Variants in SIGLEC12 observed in about 807,000 individuals in gnomAD.
The protein encoded by SIGLEC12 is sialic acid-binding Ig-like lectin 12.
In SIGLEC12, 43 loss-of-function variants were observed where a neutral mutation model predicts 54.1. The ratio of observed to expected loss-of-function variants is 0.80; its 90% CI spans 0.62 to 1.03. The LOEUF (loss-of-function observed/expected upper bound fraction) is 1.03, where lower values mean the gene tolerates loss of function less well. Among genes scored for constraint, SIGLEC12 ranks in the 50% least tolerant of loss-of-function variants. The pLI is 0.00. For synonymous variants in SIGLEC12, 357 were observed against 307.6 expected (o/e 1.16, Z -1.68); for missense variants, 802 against 735.2 (o/e 1.09, Z -1.05).
rs748586279 is a variant in SIGLEC12 at position 51,501,432 on chromosome 19, T to G, written c.302A>C (p.Asn101Thr). The G allele has an allele frequency of 1.2e-6, 2 of 1,614,220 alleles. No individual in the cohort carries two copies. The highest frequency in any genetic ancestry group is 1.1e-5 in the South Asian group (1 of 91,092). Residue 101 changes from asparagine (N) to threonine (T), a missense_variant, in exon 1 of 8, where the codon AAC (asparagine) becomes ACC (threonine). Coordinates refer to ENST00000291707, the MANE Select transcript of SIGLEC12 (RefSeq NM_053003.4). ...DRFHLLGDPQ[N>T]KDCTLSIRDT... Reference sequence around the variant, plus strand: ...TCTGATGCTCAGGGTACAATCCTTGTTCTGTGGGTCCCCAAGGAGGTGGAA... The same window carrying G: ...TCTGATGCTCAGGGTACAATCCTTGGTCTGTGGGTCCCCAAGGAGGTGGAA...
At position 51,500,252 on chromosome 19, in the gene SIGLEC12, A is replaced by T; in HGVS notation, c.476T>A (p.Val159Glu). ...GACACACAGACCCTCCTGCACAGTC[A>T]CCGACTCTGGCACCTCCAGCCTGTA... is the stretch of plus-strand genomic sequence containing the variant. ...SRYRLEVPES[V>E]TVQEGLCVSV... is the part of the protein sequence containing the mutation. Residue 159 changes from valine to glutamate, a missense_variant, in exon 2 of 8, where the codon GTG becomes GAG. Val to Glu is a moderately radical substitution (Grantham distance 121, BLOSUM62 -2). Coordinates refer to ENST00000291707, the MANE Select transcript of SIGLEC12 (RefSeq NM_053003.4). 2.5e-6 allele frequency: 4 copies of T among 1,614,114 alleles called. No individual in the cohort carries two copies. Among genetic ancestry groups the T allele is most frequent in the Non-Finnish European group, 3.4e-6 (4 of 1,180,016 alleles).
At chr19:51,498,704 A>G (rs1990309302) in intron 4 of SIGLEC12, among the ~76,000 whole-genome samples, 1 of 152,192 alleles carries the variant, frequency 6.6e-6, no homozygotes, top group Non-Finnish European at 1.5e-5. Flanking sequence ...CAGTCTCACT[A>G]CTGACATCAA....
Position 51,500,317 on chromosome 19 carries a change from GT to G in SIGLEC12, c.428-18del. 6.2e-7 allele frequency: 1 copy of G among 1,614,098 alleles called. No homozygotes were observed. Among genetic ancestry groups the G allele is most frequent in the Non-Finnish European group, 8.5e-7 (1 of 1,180,014 alleles). ...CCTGGGACGCTGTGGAGAAACGAGGGTCAGCCCAGCCCCCACTGTCCCTCTC... is the reference window on the plus strand; with the variant it reads ...CCTGGGACGCTGTGGAGAAACGAGGGCAGCCCAGCCCCCACTGTCCCTCTC... On this transcript the variant is annotated intron_variant, in intron 1 of 7. Coordinates refer to ENST00000291707, the MANE Select transcript of SIGLEC12 (RefSeq NM_053003.4).
chr19:51,498,379 C>G, intron 4 of SIGLEC12, 92 bp from the exon 5 acceptor site: 5 of 1,092,996 alleles, frequency 4.6e-6, no homozygotes, highest in Non-Finnish European at 3.9e-6. Flanking sequence ...GGAACAGACA[C>G]TGATACATGC....
At chr19:51,497,099 TC>T in intron 6 of SIGLEC12, 123 bp from the exon 7 acceptor site, 2 of 1,490,362 alleles carry the variant, frequency 1.3e-6, no homozygotes, top group Non-Finnish European at 1.8e-6. Flanking sequence ...AGGGGAGTGG[TC>T]CCATTCCAGA....
chr19:51,494,698 A>G (rs140648433), intron 7 of SIGLEC12, among the ~76,000 whole-genome samples: 148 of 152,378 alleles, frequency 9.7e-4, no homozygotes, highest in African/African-American at 3.4e-3. Context: ...AATAACCAAG[A>G]GGTGGAAGCA....
chr19:51,491,397 C>T lies in SIGLEC12; in HGVS notation c.*244G>A, dbSNP rs558458219. The T allele has an allele frequency of 4.0e-6, 2 of 500,152 alleles. No individual in the cohort carries two copies. Among genetic ancestry groups the T allele is most frequent in the Non-Finnish European group, 7.2e-6 (2 of 279,290 alleles). The allele number at this position is 500,152 out of a possible 1,614,324, so 31.0% of individuals were successfully genotyped here. ...CACTATATTTGGAACCTAAAATAGT[C>T]GACCTCAGAGAAGTAGAGAAGAGAA... On this transcript the variant is annotated 3_prime_UTR_variant, in exon 8 of 8. Transcript: ENST00000291707.
At position 51,498,228 on chromosome 19, in the gene SIGLEC12, G is replaced by C; in HGVS notation, c.1195C>G (p.Leu399Val). The change falls in exon 5 of 8, where the codon CTT becomes GTT. Residue 399 changes from leucine to valine, a missense_variant. By Grantham distance (32) the Leu-to-Val change is conservative. Transcript: ENST00000291707. ...LSVLEGQSLH[L>V]VCAVDSNPPA... is the part of the protein sequence containing the mutation. ...GGATTGCTGTCGACAGCACAGACAA[G>C]GTGCAGGGACTGGCCCTCCAGGACT... is the stretch of plus-strand genomic sequence containing the variant. 1 of 1,614,118 alleles carries C rather than the reference G, an allele frequency of 6.2e-7. No homozygotes were observed.
intron 7 of SIGLEC12, 49 bp from the exon 8 acceptor site, chr19:51,491,878 T>C: frequency 6.9e-7 from 1 of 1,445,216 alleles, no homozygotes; most frequent in Middle Eastern, 2.2e-4. Flanking sequence ...GGGGCCAGCA[T>C]GCACCAGAGA....
At position 51,501,528 on chromosome 19, in the gene SIGLEC12, T is replaced by C; in HGVS notation, c.206A>G (p.His69Arg). Residue 69 changes from histidine to arginine, a missense_variant, in exon 1 of 8, where the codon CAT becomes CGT. Coordinates refer to ENST00000291707, the MANE Select transcript of SIGLEC12 (RefSeq NM_053003.4). The stretch of plus-strand genomic sequence containing the variant: ...GGCCACTGGAATGTTCCGGCTTACA[T>C]GGTCCCCTGCCCGGAACCAGTAGCC... ...VHGYWFRAGD[H>R]VSRNIPVATN... The C allele has an allele frequency of 6.4e-7, 1 of 1,550,496 alleles. No homozygotes were observed. Among genetic ancestry groups the C allele is most frequent in the Non-Finnish European group, 8.7e-7 (1 of 1,149,576 alleles).
Position 51,501,631 on chromosome 19 carries a change from G to A in SIGLEC12, c.103C>T (p.Gln35Ter). Residue 35 changes from glutamine (Q) to a stop codon, truncating the protein, a stop_gained, in exon 1 of 8, where the codon CAG (glutamine) becomes TAG (stop). Transcript: ENST00000291707. LOFTEE classifies it high-confidence loss of function. ...LLTMQKSVTV[Q>*]EGLCVSVLCS... ...AGCACAGAGACACACAGGCCCTCCTGCACCGTCACGGACTTCTGCATTGTC... is the reference window on the plus strand; with the variant it reads ...AGCACAGAGACACACAGGCCCTCCTACACCGTCACGGACTTCTGCATTGTC... 5.0e-6 allele frequency: 8 copies of A among 1,614,174 alleles called. No individual in the cohort carries two copies. The highest frequency in any genetic ancestry group is 3.3e-5 in the South Asian group (3 of 91,086).
At chr19:51,497,508 A>T in intron 5 of SIGLEC12, 63 bp from the exon 6 acceptor site, 1 of 1,262,836 alleles carries the variant, frequency 7.9e-7, no homozygotes, top group Admixed American at 1.8e-5. Context: ...TTCTCCTCCC[A>T]CTGCCTGTAG....
chr19:51,497,111 G>C lies in SIGLEC12; in HGVS notation c.1503-135C>G, dbSNP rs1599953208. Reference sequence around the variant, plus strand: ...GGGAGGGGAGTGGTCCCATTCCAGAGACCCCAATGTCGAAAACAGAGGCTC... The same window carrying C: ...GGGAGGGGAGTGGTCCCATTCCAGACACCCCAATGTCGAAAACAGAGGCTC... On this transcript the variant is annotated intron_variant, in intron 6 of 7. Coordinates refer to ENST00000291707, the MANE Select transcript of SIGLEC12 (RefSeq NM_053003.4). 16 of 1,407,610 alleles carry C rather than the reference G, an allele frequency of 1.1e-5. No individual in the cohort carries two copies. The East Asian group carries it at 1.2e-4, about 10-fold the overall frequency. The allele number at this position is 1,407,610 out of a possible 1,614,324, so 87.2% of individuals were successfully genotyped here. A position where few individuals can be genotyped will look rare whatever the true frequency, so the allele number is the denominator to read the frequency against.
chr19:51,496,209 C>T (rs1004679220), intron 7 of SIGLEC12, among the ~76,000 whole-genome samples: 5 of 152,204 alleles, frequency 3.3e-5, no homozygotes, highest in East Asian at 1.9e-4. Context: ...GTGGCTCACG[C>T]CTATAATCCC....
At position 51,491,678 on chromosome 19, in the gene SIGLEC12, A is replaced by C. The variant is rs748335945; in HGVS notation, c.1751T>G (p.Ile584Ser). Reference sequence around the variant, plus strand: ...GTTGATCTCGGAGTACTCATAGCCGATGGCCTCCTGTTCCTGTGGGTACTG... The same window carrying C: ...GTTGATCTCGGAGTACTCATAGCCGCTGGCCTCCTGTTCCTGTGGGTACTG... ...RPQYPQEQEA[I>S]GYEYSEINIP... Residue 584 changes from isoleucine (I) to serine (S), a missense_variant, in exon 8 of 8, where the codon ATC (isoleucine) becomes AGC (serine). Physicochemically the swap from Ile to Ser is moderately radical, Grantham distance 142. Coordinates refer to ENST00000291707, the MANE Select transcript of SIGLEC12 (RefSeq NM_053003.4). 6.2e-6 allele frequency: 10 copies of C among 1,613,316 alleles called. No homozygotes were observed. The highest frequency in any genetic ancestry group is 8.5e-6 in the Non-Finnish European group (10 of 1,179,780).
chr19:51,494,967 A>G (rs903829694), intron 7 of SIGLEC12, among the ~76,000 whole-genome samples: 1 of 152,198 alleles, frequency 6.6e-6, no homozygotes, highest in Non-Finnish European at 1.5e-5. Context: ...CTGCAGGAGG[A>G]TGAAGAGGAT....
At position 51,498,236 on chromosome 19, in the gene SIGLEC12, G is replaced by A. The variant is rs776004337; in HGVS notation, c.1187C>T (p.Ser396Phe). ...GSALSVLEGQ[S>F]LHLVCAVDSN... is the part of the protein sequence containing the mutation. ...GTCGACAGCACAGACAAGGTGCAGG[G>A]ACTGGCCCTCCAGGACTGAAAGGGC... The change falls in exon 5 of 8, where the codon TCC becomes TTC. Residue 396 changes from serine to phenylalanine, a missense_variant. Transcript: ENST00000291707. The A allele has an allele frequency of 6.2e-6, 10 of 1,613,866 alleles. No individual in the cohort carries two copies. The Admixed American group carries it at 8.3e-5, about 13-fold the overall frequency.
intron 7 of SIGLEC12, among the ~76,000 whole-genome samples, chr19:51,494,322 C>T (rs1441541342): frequency 6.6e-6 from 1 of 152,212 alleles, no homozygotes; most frequent in Non-Finnish European, 1.5e-5. Context: ...TAGACTTTCT[C>T]TAAAGGTGAT....
At chr19:51,494,629 T>G (rs1035203485) in intron 7 of SIGLEC12, among the ~76,000 whole-genome samples, 1 of 152,138 alleles carries the variant, frequency 6.6e-6, no homozygotes, top group Non-Finnish European at 1.5e-5. Context: ...CCCAAAAGAA[T>G]TAAAAGCAGG....
Sources: gnomAD v4.1 joint callset for allele counts (sites outside exome capture counted in the v4.1 genomes callset) on GRCh38, gnomAD v4.1.1 for gene constraint, MANE v1.5 for transcripts, NCBI Gene and HGNC (gene_info 2026-07-23, HGNC 2026-07-21) for gene names.